The following COMMD9 variants were observed in gnomAD, a reference collection of about 807,000 sequenced individuals.
The protein encoded by COMMD9 is COMM domain containing 9, also known as COMM domain-containing protein 9.
Under a neutral mutation model 23.4 loss-of-function variants are expected in COMMD9, and 22 were observed. The ratio of observed to expected loss-of-function variants is 0.94; its 90% CI spans 0.67 to 1.34. The LOEUF is 1.34. COMMD9 is among the 40% of genes most tolerant of loss of function. The pLI, the probability that COMMD9 is intolerant of heterozygous loss-of-function variation, is 0.00. For synonymous variants in COMMD9, 99 were observed against 97.4 expected, an observed-to-expected ratio of 1.02 and a Z score of -0.10; for missense variants, 231 against 240.2, an observed-to-expected ratio of 0.96 and a Z score of 0.25.
chr11:36,283,723 A>T (rs1476159954), intron 1 of COMMD9, among the ~76,000 whole-genome samples: 1 of 152,198 alleles, frequency 6.6e-6, no homozygotes, highest in African/African-American at 2.4e-5. Context: ...CATACAAATA[A>T]TTATACTAAA....
intron 1 of COMMD9, among the ~76,000 whole-genome samples, chr11:36,286,643 G>A (rs575820832): frequency 4.0e-4 from 60 of 151,878 alleles, no homozygotes; most frequent in Admixed American, 1.7e-3. Flanking sequence ...AAAACCATTT[G>A]CAATTGCTCA....
chr11:36,286,797 A>G (rs1856166379), intron 1 of COMMD9, among the ~76,000 whole-genome samples: 1 of 152,218 alleles, frequency 6.6e-6, no homozygotes, highest in South Asian at 2.1e-4. Context: ...GAGTGAAAAA[A>G]GTCAATCTCA....
chr11:36,276,440 G>C lies in COMMD9; in HGVS notation c.353-200C>G. The C allele has an allele frequency of 2.5e-5, 13 of 512,070 alleles. No individual in the cohort carries two copies. In the South Asian group the frequency reaches 3.3e-4, roughly 13 times the overall value. The allele number at this position is 512,070 out of a possible 1,614,324, so 31.7% of individuals were successfully genotyped here. A position where few individuals can be genotyped will look rare whatever the true frequency, so the allele number is the denominator to read the frequency against. ...CATTGCTCTGTGCTGCCTGCACTTG[G>C]TACTAATTCACAGTGGCAGCGTATC... On this transcript the variant is annotated intron_variant, in intron 4 of 5. Coordinates refer to ENST00000263401, the MANE Select transcript of COMMD9 (RefSeq NM_014186.4).
At chr11:36,276,335 A>G (rs1032675018) in intron 4 of COMMD9, 95 bp from the exon 5 acceptor site, 3 of 805,608 alleles carry the variant, frequency 3.7e-6, no homozygotes, top group African/African-American at 1.7e-5. Flanking sequence ...CACACATGCA[A>G]TGCATTGGTC....
chr11:36,274,617 T>G lies in COMMD9; in HGVS notation c.*15A>C. On this transcript the variant is annotated 3_prime_UTR_variant, in exon 6 of 6. Transcript: ENST00000263401. ...AGCAGCTGGGTCATGGCAGTGGCCC[T>G]GGCAGCTGGCTGGATCATTTACTGG... is the stretch of plus-strand genomic sequence containing the variant. 1 of 1,614,104 alleles carries G rather than the reference T, an allele frequency of 6.2e-7. No homozygotes were observed. The highest frequency in any genetic ancestry group is 8.5e-7 in the Non-Finnish European group (1 of 1,179,992).
chr11:36,278,053 G>A (rs1477015576), intron 3 of COMMD9: 2 of 155,088 alleles, frequency 1.3e-5, no homozygotes, highest in African/African-American at 4.8e-5. Context: ...AATGCCAACA[G>A]CCTCAGTGTC....
chr11:36,277,866 G>A lies in COMMD9; in HGVS notation c.317+611C>T, dbSNP rs141345841. 2.0e-3 allele frequency among the ~76,000 whole-genome samples: 307 copies of A among 152,320 alleles called. 1 individual carries two copies. Among genetic ancestry groups the A allele is most frequent in the African/African-American group, 6.8e-3 (283 of 41,584 alleles). On this transcript the variant is annotated intron_variant, in intron 3 of 5. Transcript: ENST00000263401. ...AGAAAAAAATCCCCTCAGTGAAGGC[G>A]TAGGGAGAGGGGTACACTTGTATCC...
chr11:36,277,842 G>GA (rs564232865), intron 3 of COMMD9, among the ~76,000 whole-genome samples: 2 of 152,100 alleles, frequency 1.3e-5, no homozygotes, highest in African/African-American at 2.4e-5. Context: ...AAAAATGTAA[G>GA]AAAAAAATCC....
intron 1 of COMMD9, 118 bp downstream of exon 1, chr11:36,289,244 G>A: frequency 1.1e-6 from 1 of 931,714 alleles, no homozygotes; most frequent in Admixed American, 2.8e-5. Context: ...GGATCACACA[G>A]AGAACAAGCA....
At chr11:36,275,117 T>C (rs545665900) in intron 5 of COMMD9, among the ~76,000 whole-genome samples, 2 of 152,370 alleles carry the variant, frequency 1.3e-5, no homozygotes. Flanking sequence ...CAGGTTCTGT[T>C]GGATACTTCA....
rs1171753949 is a variant in COMMD9 at position 36,278,638 on chromosome 11, C to T, written c.178-22G>A. On this transcript the variant is annotated intron_variant, in intron 2 of 5. Coordinates refer to ENST00000263401, the MANE Select transcript of COMMD9 (RefSeq NM_014186.4). ...GCAGCTGCAAGATAAACGGAACCAC[C>T]TGTAGCTGTAACAGAAGCAGCAGGC... The T allele has an allele frequency of 3.1e-6, 5 of 1,609,822 alleles. No homozygotes were observed. The African/African-American group carries it at 4.0e-5, about 13-fold the overall frequency.
intron 5 of COMMD9, 125 bp from the exon 6 acceptor site, chr11:36,274,897 G>T: frequency 8.7e-7 from 1 of 1,151,582 alleles, no homozygotes; most frequent in Non-Finnish European, 1.2e-6. Flanking sequence ...TCTTTCCTAA[G>T]CACTAGAGAG....
intron 4 of COMMD9, 84 bp downstream of exon 4, chr11:36,277,005 C>A: frequency 7.8e-7 from 1 of 1,275,704 alleles, no homozygotes; most frequent in Non-Finnish European, 1.1e-6. Context: ...TTGGTTTCTG[C>A]CAAAATCTCT....
Position 36,274,605 on chromosome 11 carries a change from T to C in COMMD9, c.*27A>G. 2.5e-6 allele frequency: 4 copies of C among 1,613,936 alleles called. No individual in the cohort carries two copies. Among genetic ancestry groups the C allele is most frequent in the Non-Finnish European group, 3.4e-6 (4 of 1,179,888 alleles). ...TTATCACTCATGAGCAGCTGGGTCATGGCAGTGGCCCTGGCAGCTGGCTGG... is the reference window on the plus strand; with the variant it reads ...TTATCACTCATGAGCAGCTGGGTCACGGCAGTGGCCCTGGCAGCTGGCTGG... On this transcript the variant is annotated 3_prime_UTR_variant, in exon 6 of 6. Coordinates refer to ENST00000263401, the MANE Select transcript of COMMD9 (RefSeq NM_014186.4).
chr11:36,280,871 AC>A (rs778809066), intron 1 of COMMD9, 34 bp from the exon 2 acceptor site: 2 of 1,496,828 alleles, frequency 1.3e-6, no homozygotes, highest in Non-Finnish European at 9.0e-7. Context: ...AAAAAAAAAA[AC>A]TCAGACTCTG....
intron 1 of COMMD9, among the ~76,000 whole-genome samples, chr11:36,287,139 G>A (rs138895525): frequency 0.7 from 29,387 of 41,694 alleles, 12,867 homozygotes; most frequent in South Asian, 0.83. Flanking sequence ...TGTATATCGC[G>A]TAGTATGTAT....
Position 36,274,565 on chromosome 11 carries a change from C to A in COMMD9, c.*67G>T. 2 of 1,595,402 alleles carry A rather than the reference C, an allele frequency of 1.3e-6. No individual in the cohort carries two copies. The highest frequency in any genetic ancestry group is 1.7e-6 in the Non-Finnish European group (2 of 1,167,302). On this transcript the variant is annotated 3_prime_UTR_variant, in exon 6 of 6. Transcript: ENST00000263401. The stretch of plus-strand genomic sequence containing the variant: ...CAGCTGCAGCTGCAAGGGCAGCCTG[C>A]ATATGGGGAGACATTTATCACTCAT...
chr11:36,276,053 G>C, intron 5 of COMMD9, 84 bp downstream of exon 5: 11 of 980,498 alleles, frequency 1.1e-5, no homozygotes, highest in Non-Finnish European at 1.6e-5. Flanking sequence ...ATATGGGTTA[G>C]AGATCCCAAA....
chr11:36,276,299 T>G, intron 4 of COMMD9, 59 bp from the exon 5 acceptor site: 1 of 1,249,590 alleles, frequency 8.0e-7, no homozygotes, highest in Non-Finnish European at 1.2e-6. Flanking sequence ...AAGCATTTAT[T>G]GTACGACAGG....
Sources: gnomAD v4.1 joint callset for allele counts (sites outside exome capture counted in the v4.1 genomes callset) on GRCh38, gnomAD v4.1.1 for gene constraint, MANE v1.5 for transcripts, NCBI Gene and HGNC (gene_info 2026-07-23, HGNC 2026-07-21) for gene names.